Variants in IL7 observed in about 807,000 individuals in gnomAD.
The protein encoded by IL7 is interleukin-7.
Under a neutral mutation model 21.6 loss-of-function variants are expected in IL7, and 3 were observed. That is an observed-to-expected ratio of 0.14 (90% CI 0.06 to 0.36). The LOEUF (loss-of-function observed/expected upper bound fraction) is 0.36. Ranked by LOEUF, IL7 falls within the 10% of genes least tolerant of loss-of-function variation. The pLI, the probability that IL7 is intolerant of heterozygous loss-of-function variation, is 1.00. For missense variants in IL7, 175 were observed against 200.2 expected, an observed-to-expected ratio of 0.87 and a Z score of 0.76; for synonymous variants, 62 against 68.1, an observed-to-expected ratio of 0.91 and a Z score of 0.44.
intron 3 of IL7, among the ~76,000 whole-genome samples, chr8:78,689,857 C>A (rs1337210235): frequency 2.6e-5 from 4 of 152,166 alleles, no homozygotes; most frequent in African/African-American, 9.6e-5. Flanking sequence ...TGCTCCTTAT[C>A]TTGTATCAAA....
At chr8:78,681,906 T>C (rs564797499) in intron 4 of IL7, among the ~76,000 whole-genome samples, 32 of 150,770 alleles carry the variant, frequency 2.1e-4, no homozygotes, top group Non-Finnish European at 4.0e-4. Flanking sequence ...TCTTTCTTTT[T>C]TTTTTTTTTC....
At chr8:78,762,795 T>C (rs767826762) in intron 2 of IL7, among the ~76,000 whole-genome samples, 2 of 152,148 alleles carry the variant, frequency 1.3e-5, no homozygotes, top group Non-Finnish European at 2.9e-5. Flanking sequence ...ACTGAAGAAG[T>C]ATTGTATTCC....
At chr8:78,800,605 C>T (rs1276058918) in intron 1 of IL7, among the ~76,000 whole-genome samples, 1 of 152,206 alleles carries the variant, frequency 6.6e-6, no homozygotes, top group African/African-American at 2.4e-5. Flanking sequence ...GGCCATACCA[C>T]ATTTTCTTTA....
chr8:78,745,222 A>T (rs1012534716), intron 2 of IL7, among the ~76,000 whole-genome samples: 2 of 152,230 alleles, frequency 1.3e-5, no homozygotes, highest in African/African-American at 2.4e-5. Context: ...TTGAATTTTT[A>T]AATTACATTT....
At chr8:78,727,859 C>T (rs1811364005), downstream of IL7, among the ~76,000 whole-genome samples, 1 of 151,918 alleles carries the variant, frequency 6.6e-6, no homozygotes, top group Non-Finnish European at 1.5e-5. Context: ...GATGTCATTA[C>T]TGTCTTTGTA....
chr8:78,759,747 G>C (rs375220100), intron 2 of IL7, among the ~76,000 whole-genome samples: 45 of 152,180 alleles, frequency 3.0e-4, no homozygotes, highest in African/African-American at 1.0e-3. Flanking sequence ...TCAATTGTGG[G>C]CTTAACTATA....
At chr8:78,722,223 A>T (rs1811254145) in intron 3 of IL7, among the ~76,000 whole-genome samples, 1 of 151,934 alleles carries the variant, frequency 6.6e-6, no homozygotes, top group African/African-American at 2.4e-5. Context: ...ATTTAATCTG[A>T]AACTGCCGCC....
chr8:78,801,212 C>T (rs977932730), intron 1 of IL7, among the ~76,000 whole-genome samples: 4 of 152,014 alleles, frequency 2.6e-5, no homozygotes, highest in Admixed American at 2.0e-4. Flanking sequence ...TTAAAATTCT[C>T]ATAATAATAA....
At chr8:78,746,868 G>T in intron 2 of IL7, 4 of 352,390 alleles carry the variant, frequency 1.1e-5, no homozygotes, top group Non-Finnish European at 2.2e-5. Flanking sequence ...CAAAGGTAAT[G>T]AAATGAAACA....
At chr8:78,694,286 GT>G (rs34581027) in intron 3 of IL7, among the ~76,000 whole-genome samples, 96,977 of 142,364 alleles carry the variant, frequency 0.68, 33,235 homozygotes, top group East Asian at 0.9. Context: ...TATGTTCCTT[GT>G]TTTTTTTTTT....
intron 3 of IL7, among the ~76,000 whole-genome samples, chr8:78,702,856 A>C (rs1434193539): frequency 6.6e-6 from 1 of 152,096 alleles, no homozygotes; most frequent in African/African-American, 2.4e-5. Flanking sequence ...TTTTGCTTTT[A>C]CTGAGGATGT....
chr8:78,751,098 A>T (rs1403295146), intron 2 of IL7, among the ~76,000 whole-genome samples: 9 of 151,732 alleles, frequency 5.9e-5, no homozygotes, highest in Non-Finnish European at 1.2e-4. Context: ...ATTCAAAAAA[A>T]AAAAAACTGA....
intron 2 of IL7, among the ~76,000 whole-genome samples, chr8:78,795,053 A>T (rs1365332689): frequency 1.3e-5 from 2 of 152,188 alleles, no homozygotes; most frequent in East Asian, 3.9e-4. Flanking sequence ...TGGCTCGGTC[A>T]CTTATAAACT....
intron 2 of IL7, chr8:78,762,018 C>A (rs755527343): frequency 6.2e-7 from 1 of 1,601,882 alleles, no homozygotes; most frequent in Non-Finnish European, 8.5e-7. Context: ...GGGTTCTGAG[C>A]ATTGCTATTG....
intron 3 of IL7, chr8:78,698,435 C>T (rs1370971115): frequency 1.1e-5 from 17 of 1,612,512 alleles, no homozygotes; most frequent in Non-Finnish European, 1.4e-5. Flanking sequence ...GGTAAAGTGT[C>T]TTCAAGTAGC....
At position 78,751,374 on chromosome 8, in the gene IL7, G is replaced by A. The variant is rs1812166737; in HGVS notation, c.148-11292C>T. Among the ~76,000 whole-genome samples, 3 of 152,164 alleles carry A rather than the reference G, an allele frequency of 2.0e-5. 1 individual carries two copies. The South Asian group carries it at 6.2e-4, about 31-fold the overall frequency. On this transcript the variant is annotated intron_variant, in intron 2 of 5. Transcript: ENST00000263851. ...TCAAAATGTTAAGAGTAAAAAACCAGTGTTTAAATTATGTACTCTGTGAAT... is the reference window on the plus strand; with the variant it reads ...TCAAAATGTTAAGAGTAAAAAACCAATGTTTAAATTATGTACTCTGTGAAT...
At chr8:78,680,872 A>C (rs754148895) in intron 4 of IL7, among the ~76,000 whole-genome samples, 1 of 152,162 alleles carries the variant, frequency 6.6e-6, no homozygotes, top group Non-Finnish European at 1.5e-5. Context: ...TAGTATAGGC[A>C]AGACAGAAAC....
chr8:78,804,165 C>T (rs1447615302), intron 1 of IL7, among the ~76,000 whole-genome samples: 1 of 152,074 alleles, frequency 6.6e-6, no homozygotes, highest in Non-Finnish European at 1.5e-5. Context: ...ATTCTAAATC[C>T]GTATTCTGCA....
At chr8:78,772,982 G>A (rs1253060026) in intron 2 of IL7, among the ~76,000 whole-genome samples, 1 of 152,090 alleles carries the variant, frequency 6.6e-6, no homozygotes, top group African/African-American at 2.4e-5. Context: ...TTATTGTTGT[G>A]TATTTGTATA....
Sources: gnomAD v4.1 joint callset for allele counts (sites outside exome capture counted in the v4.1 genomes callset) on GRCh38, gnomAD v4.1.1 for gene constraint, MANE v1.5 for transcripts, NCBI Gene and HGNC (gene_info 2026-07-23, HGNC 2026-07-21) for gene names.